Variants in FARP2 observed in about 807,000 individuals in gnomAD.
The protein encoded by FARP2 is FERM, ARHGEF and pleckstrin domain-containing protein 2.
In FARP2, 111 loss-of-function variants were observed where a neutral mutation model predicts 130.5. The observed-to-expected ratio is 0.85, with a 90% CI of 0.73 to 1.00. The LOEUF (loss-of-function observed/expected upper bound fraction) is 1.00, where lower values mean the gene tolerates loss of function less well. Ranked by LOEUF, FARP2 falls within the 50% of genes least tolerant of loss-of-function variation. FARP2 has a pLI of 0.00. For missense variants in FARP2, 1,385 were observed against 1,346.3 expected, an observed-to-expected ratio of 1.03 and a Z score of -0.45; for synonymous variants, 504 against 516.9, an observed-to-expected ratio of 0.98 and a Z score of 0.34.
chr2:241,411,165 GACC>G, intron 6 of FARP2, 35 bp downstream of exon 6: 1 of 1,450,872 alleles, frequency 6.9e-7, no homozygotes, highest in Non-Finnish European at 9.6e-7. Context: ...AGCATTCACT[GACC>G]ATGGCACAGA....
At chr2:241,410,987 A>G (rs2062502911) in intron 5 of FARP2, 46 bp from the exon 6 acceptor site, 1 of 1,293,616 alleles carries the variant, frequency 7.7e-7, no homozygotes, top group East Asian at 2.4e-5. Context: ...TTACATTCAG[A>G]GAACATTTGG....
chr2:241,374,970 G>A (rs756481162), intron 2 of FARP2, among the ~76,000 whole-genome samples: 7 of 152,130 alleles, frequency 4.6e-5, no homozygotes, highest in Middle Eastern at 3.4e-3. Context: ...TTTTTGAGGC[G>A]GAGTCTTGCC....
chr2:241,458,381 A>C (rs1298078000), intron 14 of FARP2, among the ~76,000 whole-genome samples: 1 of 152,178 alleles, frequency 6.6e-6, no homozygotes, highest in Non-Finnish European at 1.5e-5. Flanking sequence ...ATTCTGTCCA[A>C]GGCCTGCCTT....
chr2:241,456,457 G>A (rs1378852034), intron 13 of FARP2: 2 of 319,262 alleles, frequency 6.3e-6, no homozygotes, highest in East Asian at 6.4e-5. Flanking sequence ...CCCAAAAGAA[G>A]CCCCTAGAAA....
chr2:241,441,756 G>A lies in FARP2; in HGVS notation c.1411+200G>A, dbSNP rs778865857. On this transcript the variant is annotated intron_variant, in intron 13 of 26. Coordinates refer to ENST00000264042, the MANE Select transcript of FARP2 (RefSeq NM_014808.4). ...ACCGGTGTGACCGGCAGTGTCGTGG[G>A]GGGGCCCCTGCTTTCACATTGACAA... The A allele has an allele frequency of 2.1e-5, 16 of 763,848 alleles. 1 individual carries two copies. The East Asian group carries it at 4.3e-4, about 21-fold the overall frequency. 47.3% of individuals were successfully genotyped at this position (763,848 alleles called of 1,614,324 possible).
chr2:241,463,687 C>T, intron 16 of FARP2: 1 of 682,006 alleles, frequency 1.5e-6, no homozygotes, highest in South Asian at 1.9e-5. Flanking sequence ...TGGAAGATCC[C>T]TTTTTGCCTG....
chr2:241,465,815 A>G, intron 17 of FARP2: 1 of 1,545,042 alleles, frequency 6.5e-7, no homozygotes, highest in South Asian at 1.2e-5. Flanking sequence ...ATCCTGCGAG[A>G]CTCTGGCCAC....
At chr2:241,461,663 G>A (rs971589801) in intron 14 of FARP2, among the ~76,000 whole-genome samples, 2 of 152,226 alleles carry the variant, frequency 1.3e-5, no homozygotes, top group Non-Finnish European at 2.9e-5. Context: ...GCAGTGTCCA[G>A]GCGCCTATTC....
chr2:241,453,500 T>C (rs1331608420), intron 13 of FARP2, among the ~76,000 whole-genome samples: 4 of 151,306 alleles, frequency 2.6e-5, no homozygotes, highest in African/African-American at 4.9e-5. Flanking sequence ...TGGGAGCCTG[T>C]AGTCCCAGCT....
At chr2:241,417,700 G>A (rs1048315805) in intron 7 of FARP2, among the ~76,000 whole-genome samples, 2 of 152,224 alleles carry the variant, frequency 1.3e-5, no homozygotes, top group Admixed American at 6.5e-5. Flanking sequence ...TGGAGCAGAT[G>A]TAAGGCTGAG....
intron 24 of FARP2, among the ~76,000 whole-genome samples, chr2:241,492,335 C>T (rs2064949688): frequency 6.6e-6 from 1 of 152,200 alleles, no homozygotes. Context: ...GACCTGGGCC[C>T]ACCAGCTTAT....
chr2:241,413,420 G>A lies in FARP2; in HGVS notation c.622G>A (p.Val208Met), dbSNP rs763415455. The A allele has an allele frequency of 5.8e-5, 92 of 1,591,722 alleles. No individual in the cohort carries two copies. Among genetic ancestry groups the A allele is most frequent in the Non-Finnish European group, 7.7e-5 (89 of 1,162,766 alleles). ...EKILEFHQKH[V>M]GQTPAESDFQ... Reference sequence around the variant, plus strand: ...GATACTAGAATTCCATCAGAAGCACGTGTAAGTCATCACAATTGTCTGTCA... The same window carrying A: ...GATACTAGAATTCCATCAGAAGCACATGTAAGTCATCACAATTGTCTGTCA... Residue 208 changes from valine to methionine, a missense_variant and splice_region_variant, in exon 7 of 27, where the codon GTG becomes ATG. Coordinates refer to ENST00000264042, the MANE Select transcript of FARP2 (RefSeq NM_014808.4).
chr2:241,434,139 C>T lies in FARP2; in HGVS notation c.868-19C>T. On this transcript the variant is annotated intron_variant, in intron 9 of 26. Transcript: ENST00000264042. Reference sequence around the variant, plus strand: ...ATACTTCATTCTTGAATTAATTAACCTTTGTGTTTTGTTTCTAGGGACCTT... The same window carrying T: ...ATACTTCATTCTTGAATTAATTAACTTTTGTGTTTTGTTTCTAGGGACCTT... 2.5e-6 allele frequency: 4 copies of T among 1,574,726 alleles called. No homozygotes were observed. Among genetic ancestry groups the T allele is most frequent in the Non-Finnish European group, 3.5e-6 (4 of 1,157,782 alleles).
chr2:241,387,586 G>A (rs895787343), intron 2 of FARP2, among the ~76,000 whole-genome samples: 5 of 152,110 alleles, frequency 3.3e-5, no homozygotes, highest in Non-Finnish European at 7.4e-5. Context: ...GAGGTCAGGA[G>A]ATCGAGACCA....
chr2:241,436,252 C>G lies in FARP2; in HGVS notation c.1101-229C>G, dbSNP rs575209959. On this transcript the variant is annotated intron_variant, in intron 11 of 26. Transcript: ENST00000264042. ...TGAAAATTCTTGTTGTTTCTCCGCACGTGGAATTTTTTCCTTTAGTGTGGG... is the reference window on the plus strand; with the variant it reads ...TGAAAATTCTTGTTGTTTCTCCGCAGGTGGAATTTTTTCCTTTAGTGTGGG... Among the ~76,000 whole-genome samples the G allele has an allele frequency of 4.6e-5, 7 of 152,210 alleles. No individual in the cohort carries two copies. The East Asian group carries it at 1.3e-3, about 29-fold the overall frequency.
intron 2 of FARP2, among the ~76,000 whole-genome samples, chr2:241,383,670 G>A (rs1259811061): frequency 1.3e-5 from 2 of 152,072 alleles, no homozygotes; most frequent in African/African-American, 2.4e-5. Flanking sequence ...AGGGAGCAAG[G>A]GAGGTAGTGA....
rs1167750549 is a variant in FARP2, at chr2:241,487,746, C to CTT, written c.2422-2196_2422-2195dup. ...ATGTCATAGCTTAGCCTAGCCTACT[C>CTT]TTTTTTTTTTTTTTTTTTTTTGAGA... On this transcript the variant is annotated intron_variant, in intron 21 of 26. Coordinates refer to ENST00000264042, the MANE Select transcript of FARP2 (RefSeq NM_014808.4). Among the ~76,000 whole-genome samples, 74 of 73,200 alleles carry CTT rather than the reference C, an allele frequency of 1.0e-3. 9 individuals are homozygous for CTT. Among genetic ancestry groups the CTT allele is most frequent in the Non-Finnish European group, 1.2e-3 (51 of 41,918 alleles). 48.0% of individuals were successfully genotyped at this position (73,200 alleles called of 152,430 possible).
At chr2:241,439,699 CAGCT>C (rs2063333581) in intron 12 of FARP2, among the ~76,000 whole-genome samples, 1 of 152,154 alleles carries the variant, frequency 6.6e-6, no homozygotes, top group Non-Finnish European at 1.5e-5. Context: ...AGTGACTCAA[CAGCT>C]GTAATACCAG....
chr2:241,462,742 T>C (rs1358279985), intron 15 of FARP2, 130 bp downstream of exon 15: 1 of 643,698 alleles, frequency 1.6e-6, no homozygotes, highest in East Asian at 2.8e-5. Context: ...CAGGCTGGAG[T>C]GCGGTGGCAT....
Sources: gnomAD v4.1 joint callset for allele counts (sites outside exome capture counted in the v4.1 genomes callset) on GRCh38, gnomAD v4.1.1 for gene constraint, MANE v1.5 for transcripts, NCBI Gene and HGNC (gene_info 2026-07-23, HGNC 2026-07-21) for gene names.